RASGRF2: variants seen among roughly 807,000 people sequenced by gnomAD.
The protein encoded by RASGRF2 is Ras protein specific guanine nucleotide releasing factor 2.
In RASGRF2, 76 loss-of-function variants were observed where a neutral mutation model predicts 151.0. That is an observed-to-expected ratio of 0.50 (90% confidence interval 0.42 to 0.61). RASGRF2 has a LOEUF of 0.61. Among genes scored for constraint, RASGRF2 ranks in the 20% least tolerant of loss-of-function variants. The probability of loss-of-function intolerance (pLI) is 0.00; values close to 1 mark genes in which losing one functional copy is unlikely to be tolerated. For missense variants in RASGRF2, 1,148 were observed against 1,564.6 expected (o/e 0.73, Z 4.49); for synonymous variants, 504 against 566.5 (o/e 0.89, Z 1.57).
At chr5:81,003,414 AG>A (rs761269327) in intron 1 of RASGRF2, among the ~76,000 whole-genome samples, 18 of 152,016 alleles carry the variant, frequency 1.2e-4, no homozygotes, top group East Asian at 1.2e-3. Context: ...TAGTAGAGAC[AG>A]GGTTTCACCA....
chr5:81,011,681 C>G (rs1749465625), intron 1 of RASGRF2, among the ~76,000 whole-genome samples: 1 of 151,808 alleles, frequency 6.6e-6, no homozygotes, highest in South Asian at 2.1e-4. Flanking sequence ...GCGGAGGTTG[C>G]CATGAGCTGA....
At chr5:81,049,511 AT>A (rs1258165570) in intron 2 of RASGRF2, among the ~76,000 whole-genome samples, 11 of 151,578 alleles carry the variant, frequency 7.3e-5, no homozygotes, top group African/African-American at 2.7e-4. Context: ...TCCTTTGACA[AT>A]TTCTTCTTGT....
intron 10 of RASGRF2, 107 bp downstream of exon 10, chr5:81,093,068 G>A: frequency 8.5e-7 from 1 of 1,182,008 alleles, no homozygotes; most frequent in Non-Finnish European, 1.2e-6. Context: ...AAAACAGATT[G>A]TCATGATTGC....
At chr5:80,968,183 C>T (rs76222406) in intron 1 of RASGRF2, among the ~76,000 whole-genome samples, 13,986 of 152,232 alleles carry the variant, frequency 0.092, 1,051 homozygotes, top group East Asian at 0.33. Context: ...TGATATTCCT[C>T]TTTTTATTTT....
intron 17 of RASGRF2, among the ~76,000 whole-genome samples, chr5:81,170,231 G>A (rs866531543): frequency 1.3e-5 from 2 of 151,054 alleles, no homozygotes; most frequent in African/African-American, 4.9e-5. Flanking sequence ...ACCACCTACA[G>A]TATCTGCATC....
chr5:81,093,974 G>C (rs1752465667), intron 10 of RASGRF2, among the ~76,000 whole-genome samples: 1 of 152,012 alleles, frequency 6.6e-6, no homozygotes, highest in Non-Finnish European at 1.5e-5. Flanking sequence ...GCCACTTCCT[G>C]GTTGGTGAGT....
intron 12 of RASGRF2, among the ~76,000 whole-genome samples, 172 bp from the exon 13 acceptor site, chr5:81,108,821 ATAT>A (rs1752914033): frequency 7.0e-6 from 1 of 142,520 alleles, no homozygotes; most frequent in South Asian, 2.3e-4. Context: ...TCAGTGTATA[ATAT>A]TTACCTACTC....
intron 1 of RASGRF2, among the ~76,000 whole-genome samples, chr5:81,020,190 A>C (rs918203756): frequency 6.6e-6 from 1 of 152,204 alleles, no homozygotes; most frequent in Non-Finnish European, 1.5e-5. Context: ...TTTGTAGATA[A>C]GAGGAAGAGT....
intron 1 of RASGRF2, among the ~76,000 whole-genome samples, chr5:80,981,345 G>A (rs1442782309): frequency 6.6e-6 from 1 of 151,988 alleles, no homozygotes; most frequent in African/African-American, 2.4e-5. Flanking sequence ...TGTGGTACCT[G>A]TACTTTCTGA....
At chr5:81,148,845 TAAG>T (rs139758092) in intron 17 of RASGRF2, among the ~76,000 whole-genome samples, 18,829 of 151,788 alleles carry the variant, frequency 0.12, 1,529 homozygotes, top group Middle Eastern at 0.25. Flanking sequence ...TAAAATAAAA[TAAG>T]AAGAAGATAT....
At position 80,996,398 on chromosome 5, in the gene RASGRF2, C is replaced by T. The variant is rs753402614; in HGVS notation, c.288+35372C>T. ...ATTACAAAATAGCTCAAATAGACCT[C>T]TGATATTAATTTTTGTAAACATAAC... is the stretch of plus-strand genomic sequence containing the variant. On this transcript the variant is annotated intron_variant, in intron 1 of 26. Transcript: ENST00000265080. Among the ~76,000 whole-genome samples, 93 of 151,858 alleles carry T rather than the reference C, an allele frequency of 6.1e-4. 1 individual carries two copies. Among genetic ancestry groups the T allele is most frequent in the Non-Finnish European group, 9.4e-4 (64 of 67,956 alleles).
intron 11 of RASGRF2, among the ~76,000 whole-genome samples, 157 bp from the exon 12 acceptor site, chr5:81,094,699 A>C (rs1405246820): frequency 1.3e-5 from 2 of 152,118 alleles, no homozygotes; most frequent in East Asian, 1.9e-4. Flanking sequence ...TTATGAGCTT[A>C]ATAAAGCCCT....
At chr5:80,995,285 C>A (rs1450986259) in intron 1 of RASGRF2, among the ~76,000 whole-genome samples, 3 of 149,308 alleles carry the variant, frequency 2.0e-5, no homozygotes, top group Non-Finnish European at 4.4e-5. Flanking sequence ...TTTACTTAGG[C>A]CCCTTTGTGG....
chr5:81,183,820 C>G (rs766721938), intron 18 of RASGRF2, among the ~76,000 whole-genome samples: 1 of 152,188 alleles, frequency 6.6e-6, no homozygotes, highest in Non-Finnish European at 1.5e-5. Context: ...AAAATGAGAA[C>G]AACCATCCCT....
At position 81,154,264 on chromosome 5, in the gene RASGRF2, GT is replaced by G. The variant is rs1328268807; in HGVS notation, c.2687-25904del. 3.9e-5 allele frequency among the ~76,000 whole-genome samples: 6 copies of G among 152,224 alleles called. No homozygotes were observed. The South Asian group carries it at 8.3e-4, about 21-fold the overall frequency. ...TCTGATGAAAGTGTATACATTTGGG[GT>G]TTTTTTAGACAGAGTCTGTCTGTGA... On this transcript the variant is annotated intron_variant, in intron 17 of 26. Transcript: ENST00000265080.
intron 1 of RASGRF2, among the ~76,000 whole-genome samples, chr5:80,995,399 T>TACAC (rs745608211): frequency 1.7e-5 from 2 of 119,802 alleles, no homozygotes; most frequent in African/African-American, 6.5e-5. Flanking sequence ...TATATATATA[T>TACAC]ACACACACAC....
intron 1 of RASGRF2, among the ~76,000 whole-genome samples, chr5:81,025,762 A>G (rs1749998623): frequency 6.6e-6 from 1 of 152,158 alleles, no homozygotes; most frequent in Non-Finnish European, 1.5e-5. Flanking sequence ...TCTTAGAGAC[A>G]AAATATGGAC....
chr5:80,961,916 C>G (rs1747572390), intron 1 of RASGRF2, among the ~76,000 whole-genome samples: 3 of 152,268 alleles, frequency 2.0e-5, no homozygotes, highest in African/African-American at 7.2e-5. Context: ...TTTTATGCCC[C>G]TAATGTTCTC....
chr5:81,067,085 G>A (rs1751629915), intron 2 of RASGRF2, among the ~76,000 whole-genome samples: 1 of 152,170 alleles, frequency 6.6e-6, no homozygotes, highest in Admixed American at 6.5e-5. Context: ...TACTAGCTGT[G>A]CGATCTGAGG....
Sources: gnomAD v4.1 joint callset for allele counts (sites outside exome capture counted in the v4.1 genomes callset) on GRCh38, gnomAD v4.1.1 for gene constraint, MANE v1.5 for transcripts, NCBI Gene and HGNC (gene_info 2026-07-23, HGNC 2026-07-21) for gene names.